Variants in GGA2 observed in about 807,000 individuals in gnomAD.
The protein encoded by GGA2 is golgi associated, gamma adaptin ear containing, ARF binding protein 2.
GGA2 carries 48 observed loss-of-function variants against 79.5 expected under a neutral mutation model. The ratio of observed to expected loss-of-function variants is 0.60; its 90% CI spans 0.48 to 0.77. The LOEUF is 0.77. Among genes scored for constraint, GGA2 ranks in the 30% least tolerant of loss-of-function variants. GGA2 has a pLI of 0.00. For synonymous variants in GGA2, 317 were observed against 302.0 expected (o/e 1.05, Z -0.51); for missense variants, 770 against 774.0 (o/e 0.99, Z 0.06).
At chr16:23,511,454 C>T (rs971143154), upstream of GGA2, among the ~76,000 whole-genome samples, 1 of 151,450 alleles carries the variant, frequency 6.6e-6, no homozygotes, top group Middle Eastern at 3.4e-3. Context: ...CCACCACGCC[C>T]GGCCTATGTG....
At chr16:23,492,185 C>G (rs956438850) in intron 4 of GGA2, among the ~76,000 whole-genome samples, 8 of 152,204 alleles carry the variant, frequency 5.3e-5, no homozygotes, top group Non-Finnish European at 1.2e-4. Context: ...ATTCAAGAGA[C>G]ACACTCGCAG....
At chr16:23,498,872 G>A (rs998638418) in intron 1 of GGA2, among the ~76,000 whole-genome samples, 1 of 152,212 alleles carries the variant, frequency 6.6e-6, no homozygotes, top group Admixed American at 6.5e-5. Flanking sequence ...CAGCGATTAT[G>A]TGTCTGAATC....
intron 1 of GGA2, among the ~76,000 whole-genome samples, chr16:23,520,253 CAAAAAAAAAA>C (rs3071381): frequency 3.5e-5 from 4 of 114,420 alleles, no homozygotes; most frequent in Admixed American, 1.0e-4. Context: ...AACTACGTCT[CAAAAAAAAAA>C]AAAAAAAAGA....
intron 9 of GGA2, among the ~76,000 whole-genome samples, chr16:23,481,122 T>C (rs1414126650): frequency 6.6e-6 from 1 of 152,208 alleles, no homozygotes; most frequent in East Asian, 1.9e-4. Flanking sequence ...CTCATGCCTA[T>C]AATCCCAGCA....
intron 6 of GGA2, among the ~76,000 whole-genome samples, chr16:23,487,873 G>A (rs537421810): frequency 3.3e-5 from 5 of 152,180 alleles, no homozygotes; most frequent in South Asian, 2.1e-4. Flanking sequence ...ACGCAGAAAC[G>A]AGTACGCAGC....
intron 5 of GGA2, 90 bp downstream of exon 5, chr16:23,491,587 G>C: frequency 8.5e-7 from 1 of 1,171,412 alleles, no homozygotes; most frequent in East Asian, 2.5e-5. Flanking sequence ...AAGAAGTACA[G>C]CTTTCAACAA....
chr16:23,514,032 C>A (rs1043121533), upstream of GGA2, among the ~76,000 whole-genome samples: 6 of 152,030 alleles, frequency 3.9e-5, no homozygotes, highest in Admixed American at 6.6e-5. Context: ...TGTTGGTCAT[C>A]AAACCTAAAT....
At chr16:23,480,828 T>C (rs1320708060) in intron 9 of GGA2, 58 bp from the exon 10 acceptor site, 5 of 1,530,508 alleles carry the variant, frequency 3.3e-6, no homozygotes, top group Middle Eastern at 1.7e-4. Flanking sequence ...ATCTCAGTCT[T>C]TTCTAAGCTT....
At position 23,519,478 on chromosome 16, in the gene GGA2, CA is replaced by C; in HGVS notation, c.61+108del. 1.2e-5 allele frequency: 3 copies of C among 248,944 alleles called. No homozygotes were observed. The East Asian group carries it at 4.6e-4, about 38-fold the overall frequency. The allele number at this position is 248,944 out of a possible 1,614,324, so 15.4% of individuals were successfully genotyped here. On this transcript the variant is annotated intron_variant, in intron 2 of 5. Coordinates refer to the GGA2 transcript ENST00000569300. ...TCCCATTGACCACAGCTGATTGGAC[CA>C]GGGGTAGACACCTGACCCAGGCTAG...
At chr16:23,479,619 G>A (rs139764169) in intron 11 of GGA2, 146 bp downstream of exon 11, 21 of 888,718 alleles carry the variant, frequency 2.4e-5, no homozygotes, top group African/African-American at 1.7e-4. Context: ...CAGCAAGCAC[G>A]TGCTCCCAGA....
At chr16:23,494,435 T>C (rs1313836220) in intron 2 of GGA2, 57 bp from the exon 3 acceptor site, 2 of 1,053,210 alleles carry the variant, frequency 1.9e-6, no homozygotes, top group South Asian at 1.3e-5. Flanking sequence ...CTAACCCGAG[T>C]GGCTGAGCAT....
At chr16:23,491,575 A>AT in intron 5 of GGA2, 102 bp downstream of exon 5, 1 of 994,924 alleles carries the variant, frequency 1.0e-6, no homozygotes, top group Non-Finnish European at 1.5e-6. Flanking sequence ...ATGGTCCTAC[A>AT]TAAGAAGTAC....
At chr16:23,519,638 G>A in exon 2 of GGA2, 1 of 417,394 alleles carries the variant, frequency 2.4e-6, no homozygotes, top group Admixed American at 2.7e-5. Flanking sequence ...GAGAAAGGCA[G>A]CCTGCAGAGG....
chr16:23,474,679 T>C lies in GGA2; in HGVS notation c.1450+225A>G, dbSNP rs575938645. 1.2e-4 allele frequency among the ~76,000 whole-genome samples: 18 copies of C among 152,172 alleles called. 1 individual carries two copies. In the South Asian group the frequency reaches 1.7e-3, roughly 14 times the overall value. The stretch of plus-strand genomic sequence containing the variant: ...GTCGCCCAGGCTGGTCTCAAACTCC[T>C]GGCCTCAAGTGATCCTCCCACCTCA... On this transcript the variant is annotated intron_variant, in intron 14 of 16. Transcript: ENST00000309859.
At position 23,491,663 on chromosome 16, in the gene GGA2, A is replaced by T; in HGVS notation, c.475+14T>A. ...TAGTCAAGAGGAAATAAGACACAGT[A>T]AGGCAAGTCAGACCTTGTTTCTTCA... On this transcript the variant is annotated intron_variant, in intron 5 of 16. Coordinates refer to ENST00000309859, the MANE Select transcript of GGA2 (RefSeq NM_015044.4). The T allele has an allele frequency of 1.2e-6, 2 of 1,612,288 alleles. No homozygotes were observed. The highest frequency in any genetic ancestry group is 1.7e-6 in the Non-Finnish European group (2 of 1,178,570).
chr16:23,485,998 T>C lies in GGA2; in HGVS notation c.798+17A>G. 6.2e-7 allele frequency: 1 copy of C among 1,612,140 alleles called. No homozygotes were observed. Among genetic ancestry groups the C allele is most frequent in the South Asian group, 1.1e-5 (1 of 90,932 alleles). The stretch of plus-strand genomic sequence containing the variant: ...TTTAGTAAACATGTGCAGCCCCCTG[T>C]GTTACACCTGTATTACCTGCAGGGC... On this transcript the variant is annotated intron_variant, in intron 8 of 16. Coordinates refer to ENST00000309859, the MANE Select transcript of GGA2 (RefSeq NM_015044.4).
rs931235397 is a variant in GGA2 at position 23,484,279 on chromosome 16, G to A, written c.799-1275C>T. Among the ~76,000 whole-genome samples the A allele has an allele frequency of 1.9e-4, 29 of 151,952 alleles. No individual in the cohort carries two copies. The Middle Eastern group carries it at 0.014, about 71-fold the overall frequency. On this transcript the variant is annotated intron_variant, in intron 8 of 16. Coordinates refer to ENST00000309859, the MANE Select transcript of GGA2 (RefSeq NM_015044.4). ...AAAAAAAATACAGAATTAGCCAGGC[G>A]TGCTGGCACATTCCTGTAATCCCAG...
At chr16:23,499,320 AT>A (rs1964893967) in intron 1 of GGA2, among the ~76,000 whole-genome samples, 1 of 151,700 alleles carries the variant, frequency 6.6e-6, no homozygotes, top group Non-Finnish European at 1.5e-5. Context: ...AATTTTTTGT[AT>A]TTTCAGTAGA....
intron 1 of GGA2, among the ~76,000 whole-genome samples, chr16:23,503,411 A>G (rs117335381): frequency 4.9e-4 from 75 of 152,314 alleles, no homozygotes; most frequent in Non-Finnish European, 6.6e-4. Flanking sequence ...TGTAATAATG[A>G]TATTTTCTTT....
Sources: gnomAD v4.1 joint callset for allele counts (sites outside exome capture counted in the v4.1 genomes callset) on GRCh38, gnomAD v4.1.1 for gene constraint, MANE v1.5 for transcripts, NCBI Gene and HGNC (gene_info 2026-07-23, HGNC 2026-07-21) for gene names.